The following KIAA0825 variants were observed in gnomAD, a reference collection of about 807,000 sequenced individuals.
KIAA0825 encodes the protein uncharacterized protein KIAA0825.
In KIAA0825, 119 loss-of-function variants were observed where a neutral mutation model predicts 147.6. The observed-to-expected ratio is 0.81, with a 90% CI of 0.69 to 0.94. KIAA0825 has a LOEUF of 0.94. Ranked by LOEUF, KIAA0825 falls within the 40% of genes least tolerant of loss-of-function variation. The pLI is 0.00. For synonymous variants in KIAA0825, 470 were observed against 518.1 expected (o/e 0.91, Z 1.26); for missense variants, 1,381 against 1,472.7 (o/e 0.94, Z 1.02).
At chr5:94,582,288 AC>A (rs1478398085) in intron 2 of KIAA0825, 144 bp downstream of exon 2, 1 of 152,220 alleles carries the variant, frequency 6.6e-6, no homozygotes, top group African/African-American at 2.4e-5. Flanking sequence ...CATAAAGCCG[AC>A]AGCTGGCTGG....
intron 20 of KIAA0825, among the ~76,000 whole-genome samples, chr5:94,250,945 T>G (rs996915090): frequency 2.6e-5 from 4 of 152,100 alleles, no homozygotes; most frequent in African/African-American, 9.7e-5. Flanking sequence ...GGAATCCCCG[T>G]GAAGCTACAC....
intron 20 of KIAA0825, among the ~76,000 whole-genome samples, chr5:94,281,144 A>G (rs2081863): frequency 0.91 from 138,143 of 151,758 alleles, 62,939 homozygotes; most frequent in Middle Eastern, 0.93. Flanking sequence ...GCTCTTTTCG[A>G]TGGAGACAGG....
At chr5:94,280,462 T>C (rs1777408613) in intron 20 of KIAA0825, among the ~76,000 whole-genome samples, 1 of 152,090 alleles carries the variant, frequency 6.6e-6, no homozygotes, top group Admixed American at 6.6e-5. Flanking sequence ...CACTCATCTT[T>C]TGCATAAAGA....
intron 1 of KIAA0825, among the ~76,000 whole-genome samples, chr5:94,590,815 A>C (rs1202838455): frequency 6.6e-6 from 1 of 152,238 alleles, no homozygotes; most frequent in Admixed American, 6.5e-5. Flanking sequence ...GGAATGCATA[A>C]AGAGAAAAAA....
At chr5:94,569,273 C>A in intron 2 of KIAA0825, 1 of 277,830 alleles carries the variant, frequency 3.6e-6, no homozygotes, top group Non-Finnish European at 6.9e-6. Flanking sequence ...CCAAAAACAA[C>A]CATTATACCC....
At chr5:94,586,225 C>T (rs1324619084) in intron 1 of KIAA0825, among the ~76,000 whole-genome samples, 1 of 151,900 alleles carries the variant, frequency 6.6e-6, no homozygotes, top group Non-Finnish European at 1.5e-5. Flanking sequence ...CATAAAAAAC[C>T]CTTCAAAAAA....
intron 20 of KIAA0825, among the ~76,000 whole-genome samples, chr5:94,162,291 A>C (rs1562289512): frequency 6.6e-6 from 1 of 152,110 alleles, no homozygotes; most frequent in Non-Finnish European, 1.5e-5. Flanking sequence ...GCAAATTCAG[A>C]AAGTATTTGG....
intron 2 of KIAA0825, chr5:94,569,285 C>A: frequency 3.4e-6 from 1 of 294,352 alleles, no homozygotes; most frequent in South Asian, 1.6e-4. Context: ...ATTATACCCC[C>A]TAAATAAATT....
chr5:94,617,268 C>A (rs1262044440), intron 1 of KIAA0825, among the ~76,000 whole-genome samples: 1 of 151,960 alleles, frequency 6.6e-6, no homozygotes, highest in African/African-American at 2.4e-5. Flanking sequence ...ATACTTTCAA[C>A]TGGAGAAATA....
intron 20 of KIAA0825, among the ~76,000 whole-genome samples, chr5:94,203,583 G>A (rs1452988789): frequency 2.0e-5 from 3 of 152,070 alleles, no homozygotes; most frequent in Non-Finnish European, 4.4e-5. Context: ...AAAACATCTA[G>A]TGGGTGAGGG....
chr5:94,591,108 A>G (rs2152391401), intron 1 of KIAA0825, among the ~76,000 whole-genome samples: 1 of 152,340 alleles, frequency 6.6e-6, no homozygotes, highest in Admixed American at 6.5e-5. Flanking sequence ...GAAGAGAAAT[A>G]TAAACCCACA....
chr5:94,338,038 G>A (rs1781985628), intron 20 of KIAA0825, among the ~76,000 whole-genome samples: 1 of 152,126 alleles, frequency 6.6e-6, no homozygotes, highest in Non-Finnish European at 1.5e-5. Context: ...TGGTTGGAGA[G>A]AGAGAAATAA....
intron 1 of KIAA0825, chr5:94,593,377 A>G: frequency 9.9e-7 from 1 of 1,011,308 alleles, no homozygotes; most frequent in Non-Finnish European, 1.5e-6. Flanking sequence ...ATCTTCTTTA[A>G]TATCACGACA....
At chr5:94,500,860 C>T (rs1014269224) in intron 5 of KIAA0825, among the ~76,000 whole-genome samples, 5 of 152,160 alleles carry the variant, frequency 3.3e-5, no homozygotes, top group Non-Finnish European at 5.9e-5. Flanking sequence ...TCACTGCAAC[C>T]TCCGCCTCCC....
chr5:94,440,872 A>C (rs1756992330), intron 13 of KIAA0825, among the ~76,000 whole-genome samples: 1 of 152,098 alleles, frequency 6.6e-6, no homozygotes, highest in South Asian at 2.1e-4. Flanking sequence ...GAAACCTAAA[A>C]TTTAGATTGG....
intron 2 of KIAA0825, among the ~76,000 whole-genome samples, chr5:94,539,127 T>C (rs906284905): frequency 1.3e-5 from 2 of 152,164 alleles, no homozygotes; most frequent in Non-Finnish European, 2.9e-5. Context: ...TAAACCAAGA[T>C]GGCCATGAGA....
At chr5:94,395,906 C>T (rs1189494917) in intron 17 of KIAA0825, among the ~76,000 whole-genome samples, 195 bp downstream of exon 17, 2 of 152,096 alleles carry the variant, frequency 1.3e-5, no homozygotes, top group Admixed American at 1.3e-4. Flanking sequence ...ATGGGGTTCA[C>T]ATTTTAAGAA....
At chr5:94,363,634 C>T (rs991612004) in intron 20 of KIAA0825, among the ~76,000 whole-genome samples, 1 of 151,960 alleles carries the variant, frequency 6.6e-6, no homozygotes, top group East Asian at 1.9e-4. Context: ...GCCTGTAATC[C>T]CAGTGCTTAG....
At chr5:94,443,443 TTA>T (rs930350706) in intron 13 of KIAA0825, among the ~76,000 whole-genome samples, 7 of 151,858 alleles carry the variant, frequency 4.6e-5, no homozygotes, top group Admixed American at 4.6e-4. Flanking sequence ...GGGGAAAATG[TTA>T]TAAATCCTAT....
Sources: gnomAD v4.1 joint callset for allele counts (sites outside exome capture counted in the v4.1 genomes callset) on GRCh38, gnomAD v4.1.1 for gene constraint, MANE v1.5 for transcripts, NCBI Gene and HGNC (gene_info 2026-07-23, HGNC 2026-07-21) for gene names.